Variants in GPR158 observed in about 807,000 individuals in gnomAD.
GPR158 encodes G protein-coupled receptor 158.
In GPR158, 30 loss-of-function variants were observed where a neutral mutation model predicts 78.2. That is an observed-to-expected ratio of 0.38 (90% CI 0.29 to 0.52). The LOEUF is 0.52. GPR158 is among the 20% of genes least tolerant of loss of function. GPR158 has a pLI of 0.83. For synonymous variants in GPR158, 581 were observed against 591.1 expected, an observed-to-expected ratio of 0.98 and a Z score of 0.25; for missense variants, 1,463 against 1,523.5, an observed-to-expected ratio of 0.96 and a Z score of 0.66.
At chr10:25,325,459 A>T (rs1158053756) in intron 2 of GPR158, among the ~76,000 whole-genome samples, 1 of 98,918 alleles carries the variant, frequency 1.0e-5, no homozygotes, top group African/African-American at 3.6e-5. Flanking sequence ...GTCTAAGTAT[A>T]TATATAATTA....
At position 25,599,826 on chromosome 10, in the gene GPR158, C is replaced by T. The variant is rs1837468735; in HGVS notation, c.*552C>T. On this transcript the variant is annotated 3_prime_UTR_variant, in exon 11 of 11. Transcript: ENST00000376351. Reference sequence around the variant, plus strand: ...TCGTTGTGTCTCATATTCAAGCATTCCAGATTGTATAATTTTTGCAAATAA... The same window carrying T: ...TCGTTGTGTCTCATATTCAAGCATTTCAGATTGTATAATTTTTGCAAATAA... 6.5e-6 allele frequency: 1 copy of T among 153,056 alleles called. No individual in the cohort carries two copies. Among genetic ancestry groups the T allele is most frequent in the African/African-American group, 2.4e-5 (1 of 41,440 alleles). The allele number at this position is 153,056 out of a possible 1,614,324, so 9.5% of individuals were successfully genotyped here.
chr10:25,458,306 A>G (rs926623596), intron 4 of GPR158, among the ~76,000 whole-genome samples: 1 of 152,224 alleles, frequency 6.6e-6, no homozygotes, highest in Non-Finnish European at 1.5e-5. Flanking sequence ...TAAATTTTTT[A>G]TAATACCTGT....
chr10:25,317,543 T>G (rs1854872234), intron 2 of GPR158, among the ~76,000 whole-genome samples: 1 of 152,084 alleles, frequency 6.6e-6, no homozygotes, highest in African/African-American at 2.4e-5. Context: ...CTGATTAGTT[T>G]TCTTCTTAGT....
chr10:25,254,068 T>A (rs2130726181), intron 2 of GPR158, among the ~76,000 whole-genome samples: 1 of 152,308 alleles, frequency 6.6e-6, no homozygotes, highest in East Asian at 1.9e-4. Flanking sequence ...CCCTTATGGA[T>A]CATTAAAGAT....
At chr10:25,445,753 G>C (rs1038464041) in intron 4 of GPR158, among the ~76,000 whole-genome samples, 3 of 151,912 alleles carry the variant, frequency 2.0e-5, no homozygotes, top group African/African-American at 7.3e-5. Flanking sequence ...AGGAGAGAGG[G>C]GGAGAGAGAG....
At chr10:25,544,245 T>A (rs1352236941) in intron 5 of GPR158, among the ~76,000 whole-genome samples, 3 of 152,128 alleles carry the variant, frequency 2.0e-5, no homozygotes, top group Non-Finnish European at 4.4e-5. Context: ...TCTTTATAAC[T>A]ATCACTGGCC....
At chr10:25,478,640 A>G (rs1835621858) in intron 5 of GPR158, among the ~76,000 whole-genome samples, 1 of 151,956 alleles carries the variant, frequency 6.6e-6, no homozygotes, top group South Asian at 2.1e-4. Context: ...TAATTTTGTC[A>G]CTTTTTAATT....
intron 2 of GPR158, among the ~76,000 whole-genome samples, chr10:25,394,863 G>A (rs1040583077): frequency 7.2e-5 from 11 of 152,108 alleles, no homozygotes; most frequent in African/African-American, 2.4e-4. Flanking sequence ...TTAGATTATG[G>A]AATTATTTAA....
intron 2 of GPR158, among the ~76,000 whole-genome samples, chr10:25,286,991 T>C (rs998877135): frequency 6.6e-6 from 1 of 152,156 alleles, no homozygotes; most frequent in African/African-American, 2.4e-5. Flanking sequence ...CCATTGTTAC[T>C]TGATGCCTGC....
intron 2 of GPR158, among the ~76,000 whole-genome samples, chr10:25,360,600 A>G (rs1170780284): frequency 1.3e-5 from 2 of 152,028 alleles, no homozygotes; most frequent in South Asian, 2.1e-4. Context: ...GTTCTGTTCC[A>G]TTGGTCTATA....
intron 2 of GPR158, among the ~76,000 whole-genome samples, chr10:25,373,612 G>T (rs1450818642): frequency 6.6e-6 from 1 of 151,768 alleles, no homozygotes; most frequent in Non-Finnish European, 1.5e-5. Flanking sequence ...AGCTTTTTAT[G>T]TGTCATATTT....
At chr10:25,344,935 A>C (rs1210850272) in intron 2 of GPR158, among the ~76,000 whole-genome samples, 1 of 152,004 alleles carries the variant, frequency 6.6e-6, no homozygotes, top group Non-Finnish European at 1.5e-5. Flanking sequence ...ATGGTGGAGG[A>C]AGCAAGGCAA....
At chr10:25,388,305 C>T (rs1338178384) in intron 2 of GPR158, among the ~76,000 whole-genome samples, 1 of 152,196 alleles carries the variant, frequency 6.6e-6, no homozygotes, top group Non-Finnish European at 1.5e-5. Context: ...GTTGTGGGAG[C>T]AGCAGTGGCG....
chr10:25,552,698 T>G (rs1053780184), intron 6 of GPR158, among the ~76,000 whole-genome samples: 11 of 152,196 alleles, frequency 7.2e-5, no homozygotes, highest in Non-Finnish European at 1.3e-4. Flanking sequence ...GATGAAGCCC[T>G]GGAAGCTGCT....
At chr10:25,502,586 G>T (rs1355754500) in intron 5 of GPR158, among the ~76,000 whole-genome samples, 2 of 148,514 alleles carry the variant, frequency 1.3e-5, no homozygotes, top group Non-Finnish European at 3.0e-5. Flanking sequence ...CAGTCGGTAG[G>T]TTTTTCAGTA....
chr10:25,519,275 G>A (rs1167754663), intron 5 of GPR158, among the ~76,000 whole-genome samples: 41 of 140,604 alleles, frequency 2.9e-4, no homozygotes, highest in Middle Eastern at 3.4e-3. Context: ...GTCTCTGCAC[G>A]TGAGATGGGT....
At position 25,293,966 on chromosome 10, in the gene GPR158, T is replaced by G. The variant is rs551250805; in HGVS notation, c.1008+72809T>G. Reference sequence around the variant, plus strand: ...TTCACCATGTTGGCCAGGCTGGTCTTGAACTCCTGACCTCGTGATTCACCT... The same window carrying G: ...TTCACCATGTTGGCCAGGCTGGTCTGGAACTCCTGACCTCGTGATTCACCT... On this transcript the variant is annotated intron_variant, in intron 2 of 10. Coordinates refer to ENST00000376351, the MANE Select transcript of GPR158 (RefSeq NM_020752.3). 3.4e-4 allele frequency among the ~76,000 whole-genome samples: 51 copies of G among 152,226 alleles called. 1 individual carries two copies. Among genetic ancestry groups the G allele is most frequent in the African/African-American group, 1.2e-3 (49 of 41,546 alleles).
intron 2 of GPR158, among the ~76,000 whole-genome samples, chr10:25,311,854 A>C (rs1222592180): frequency 1.3e-5 from 2 of 151,968 alleles, no homozygotes; most frequent in Non-Finnish European, 2.9e-5. Context: ...GTTTGCACGG[A>C]TCTGTACAGC....
chr10:25,369,715 G>A lies in GPR158; in HGVS notation c.1009-26196G>A, dbSNP rs530081550. ...GTTAGGGAGGATTCCCTCTTTTTCT[G>A]TTGATTGGAATAGTTTCAGAAGGAA... On this transcript the variant is annotated intron_variant, in intron 2 of 10. Coordinates refer to ENST00000376351, the MANE Select transcript of GPR158 (RefSeq NM_020752.3). 2.8e-3 allele frequency among the ~76,000 whole-genome samples: 419 copies of A among 150,044 alleles called. 7 individuals carry two copies. The highest frequency in any genetic ancestry group is 0.018 in the Admixed American group (265 of 14,976).
Sources: allele counts gnomAD v4.1 joint callset (sites outside exome capture counted in the v4.1 genomes callset), GRCh38; gene constraint gnomAD v4.1.1; transcripts MANE v1.5; gene names NCBI Gene and HGNC (gene_info 2026-07-23, HGNC 2026-07-21).